Variants in GRM7 observed in about 807,000 individuals in gnomAD.
GRM7 encodes metabotropic glutamate receptor 7.
A neutral mutation model predicts 84.5 loss-of-function variants in GRM7; 35 were observed. That is an observed-to-expected ratio of 0.41 (90% CI 0.32 to 0.55). GRM7 has a LOEUF of 0.55. Ranked by LOEUF, GRM7 falls within the 20% of genes least tolerant of loss-of-function variation. The pLI, the probability that GRM7 is intolerant of heterozygous loss-of-function variation, is 0.19. For synonymous variants in GRM7, 487 were observed against 455.1 expected (o/e 1.07, Z -0.89); for missense variants, 1,003 against 1,194.6 (o/e 0.84, Z 2.36).
At chr3:7,103,760 T>TTCTTTCTCTC (rs1553617361) in intron 1 of GRM7, among the ~76,000 whole-genome samples, 5 of 58,544 alleles carry the variant, frequency 8.5e-5, no homozygotes, top group African/African-American at 6.3e-4. Context: ...CTTTCTTTCT[T>TTCTTTCTCTC]TCTTTCTTTC....
chr3:7,453,423 C>T (rs73117407), intron 6 of GRM7, among the ~76,000 whole-genome samples: 2,691 of 152,132 alleles, frequency 0.018, 80 homozygotes, highest in African/African-American at 0.061. Flanking sequence ...TCTGATGGTC[C>T]GGCTATAAAC....
At chr3:6,940,939 G>T (rs916984605) in intron 1 of GRM7, among the ~76,000 whole-genome samples, 12 of 152,172 alleles carry the variant, frequency 7.9e-5, no homozygotes, top group Admixed American at 3.9e-4. Flanking sequence ...TGCAGAAATC[G>T]ATGTCCACAT....
At chr3:7,346,128 C>T (rs573508723) in intron 4 of GRM7, among the ~76,000 whole-genome samples, 32 of 152,100 alleles carry the variant, frequency 2.1e-4, no homozygotes, top group African/African-American at 7.5e-4. Flanking sequence ...GTGACGGCAA[C>T]CATAATTGAG....
Position 7,607,447 on chromosome 3 carries a change from C to A in GRM7, c.2451+28090C>A, listed in dbSNP as rs556998795. 8 of 152,108 alleles carry A rather than the reference C, an allele frequency of 5.3e-5. No homozygotes were observed. The East Asian group carries it at 1.5e-3, about 29-fold the overall frequency. The allele number at this position is 152,108 out of a possible 1,614,324, so 9.4% of individuals were successfully genotyped here. On this transcript the variant is annotated intron_variant, in intron 8 of 9. Transcript: ENST00000357716. ...AAGTAGTTAAAGAGTATAAAGAAAA[C>A]CAAAACAAAACAAAAGCAAAAAATA...
intron 1 of GRM7, among the ~76,000 whole-genome samples, chr3:7,000,390 T>C (rs1368299403): frequency 6.6e-6 from 1 of 152,124 alleles, no homozygotes; most frequent in Non-Finnish European, 1.5e-5. Flanking sequence ...TTTCACCACA[T>C]TGGCCAGGAT....
At chr3:7,337,241 CTCTCTCACCTTA>C (rs1701455980) in intron 4 of GRM7, among the ~76,000 whole-genome samples, 1 of 152,016 alleles carries the variant, frequency 6.6e-6, no homozygotes. Flanking sequence ...CTGGATCCTT[CTCTCTCACCTTA>C]TACAAAAATC....
intron 7 of GRM7, among the ~76,000 whole-genome samples, chr3:7,478,417 T>C (rs1699006923): frequency 6.6e-6 from 1 of 152,170 alleles, no homozygotes; most frequent in African/African-American, 2.4e-5. Flanking sequence ...AGACATTTAT[T>C]TTTCAGCTGA....
chr3:7,378,008 C>T (rs933051265), intron 4 of GRM7, among the ~76,000 whole-genome samples: 4 of 152,098 alleles, frequency 2.6e-5, no homozygotes, highest in African/African-American at 9.7e-5. Flanking sequence ...AACATCTGTC[C>T]CCCGCTAGGA....
intron 7 of GRM7, among the ~76,000 whole-genome samples, chr3:7,573,436 TTAGA>T (rs2125048335): frequency 6.6e-6 from 1 of 152,328 alleles, no homozygotes; most frequent in South Asian, 2.1e-4. Flanking sequence ...AAATTTTCTT[TTAGA>T]TAGAGTGTGT....
intron 1 of GRM7, among the ~76,000 whole-genome samples, chr3:6,997,766 G>T (rs749473827): frequency 3.3e-5 from 5 of 151,972 alleles, no homozygotes; most frequent in African/African-American, 1.2e-4. Context: ...TCCAGCATTC[G>T]TCCAAAAGTT....
At chr3:7,572,230 A>C (rs1298624246) in intron 7 of GRM7, among the ~76,000 whole-genome samples, 1 of 152,184 alleles carries the variant, frequency 6.6e-6, no homozygotes, top group African/African-American at 2.4e-5. Flanking sequence ...GTGGTTCCCA[A>C]CTTTGTCCAC....
intron 8 of GRM7, 111 bp downstream of exon 8, chr3:7,579,468 A>G (rs1695138132): frequency 3.1e-6 from 2 of 651,482 alleles, no homozygotes; most frequent in Non-Finnish European, 5.2e-6. Flanking sequence ...GCAGAATGGT[A>G]TTTCCAAGAG....
intron 3 of GRM7, among the ~76,000 whole-genome samples, chr3:7,304,772 A>G (rs542384700): frequency 6.6e-6 from 1 of 152,190 alleles, no homozygotes; most frequent in Admixed American, 6.5e-5. Flanking sequence ...TTCTTGATTA[A>G]AGATATGATC....
intron 9 of GRM7, among the ~76,000 whole-genome samples, chr3:7,700,475 A>C (rs1575649058): frequency 1.3e-5 from 2 of 152,258 alleles, no homozygotes; most frequent in East Asian, 3.8e-4. Flanking sequence ...CATTCTGCTA[A>C]GGATTTGAAA....
intron 8 of GRM7, among the ~76,000 whole-genome samples, chr3:7,643,127 C>G (rs537696295): frequency 6.6e-6 from 1 of 152,290 alleles, no homozygotes; most frequent in East Asian, 1.9e-4. Flanking sequence ...ATACGCCATA[C>G]TTGGGATTTC....
chr3:7,333,930 A>G (rs769657241), intron 4 of GRM7, among the ~76,000 whole-genome samples: 3 of 151,998 alleles, frequency 2.0e-5, no homozygotes, highest in Admixed American at 6.6e-5. Flanking sequence ...TAAAGAATTT[A>G]AAAAATGAAC....
intron 1 of GRM7, among the ~76,000 whole-genome samples, chr3:6,991,335 C>A (rs977317035): frequency 6.6e-6 from 1 of 152,186 alleles, no homozygotes; most frequent in Admixed American, 6.5e-5. Context: ...CCTTTCCCAC[C>A]GGACTGATTG....
chr3:7,587,776 A>G (rs150642486), intron 8 of GRM7, among the ~76,000 whole-genome samples: 2 of 152,182 alleles, frequency 1.3e-5, no homozygotes, highest in African/African-American at 4.8e-5. Context: ...CCTAATGCTC[A>G]TATTTTTAGA....
At chr3:7,023,398 C>T (rs1185260203) in intron 1 of GRM7, among the ~76,000 whole-genome samples, 1 of 152,070 alleles carries the variant, frequency 6.6e-6, no homozygotes, top group Non-Finnish European at 1.5e-5. Context: ...GACCTTGGTT[C>T]TGAGGCTTAC....
Sources: gnomAD v4.1 joint callset for allele counts (sites outside exome capture counted in the v4.1 genomes callset) on GRCh38, gnomAD v4.1.1 for gene constraint, MANE v1.5 for transcripts, NCBI Gene and HGNC (gene_info 2026-07-23, HGNC 2026-07-21) for gene names.